The following CACNA1A variants were observed in gnomAD, a reference collection of about 807,000 sequenced individuals.
The protein encoded by CACNA1A is voltage-dependent P/Q-type calcium channel subunit alpha-1A.
A neutral mutation model predicts 262.4 loss-of-function variants in CACNA1A; 57 were observed. The ratio of observed to expected loss-of-function variants is 0.22; its 90% CI spans 0.18 to 0.27. The LOEUF (loss-of-function observed/expected upper bound fraction) is 0.27. Among genes scored for constraint, CACNA1A ranks in the 10% least tolerant of loss-of-function variants. The pLI, the probability that CACNA1A is intolerant of heterozygous loss-of-function variation, is 1.00. For missense variants in CACNA1A, 2,526 were observed against 3,562.8 expected (o/e 0.71, Z 7.41); for synonymous variants, 1,431 against 1,419.3 (o/e 1.01, Z -0.18).
At chr19:13,254,868 G>C (rs997627411) in intron 29 of CACNA1A, among the ~76,000 whole-genome samples, 1 of 152,120 alleles carries the variant, frequency 6.6e-6, no homozygotes, top group Non-Finnish European at 1.5e-5. Flanking sequence ...GGTGGTCAGG[G>C]AAGGCTTTCT....
At chr19:13,442,207 G>A (rs777539736) in intron 3 of CACNA1A, among the ~76,000 whole-genome samples, 1 of 152,194 alleles carries the variant, frequency 6.6e-6, no homozygotes, top group Non-Finnish European at 1.5e-5. Context: ...GAGGAATGAG[G>A]AAGAGAGAGA....
At chr19:13,227,770 C>T (rs890921818) in intron 36 of CACNA1A, 3 of 266,546 alleles carry the variant, frequency 1.1e-5, no homozygotes, top group African/African-American at 2.2e-5. Flanking sequence ...CTTCACTGCT[C>T]GGGAGCAGGG....
At chr19:13,465,118 A>G (rs921400064) in intron 1 of CACNA1A, among the ~76,000 whole-genome samples, 8 of 151,630 alleles carry the variant, frequency 5.3e-5, no homozygotes, top group African/African-American at 1.9e-4. Context: ...TTTAGTAGAG[A>G]CATGGTTTCA....
At chr19:13,376,886 ATATGT>A (rs2059427949) in intron 3 of CACNA1A, among the ~76,000 whole-genome samples, 2 of 136,218 alleles carry the variant, frequency 1.5e-5, no homozygotes, top group South Asian at 4.4e-4. Flanking sequence ...AACACATGAT[ATATGT>A]TATATGTGAT....
intron 5 of CACNA1A, chr19:13,363,072 T>C (rs1184430824): frequency 1.3e-5 from 2 of 152,202 alleles, no homozygotes; most frequent in African/African-American, 4.8e-5. Context: ...CTTATATTTT[T>C]AATCGTGAGC....
At chr19:13,451,016 T>C (rs2060905472) in intron 3 of CACNA1A, 2 of 152,016 alleles carry the variant, frequency 1.3e-5, no homozygotes, top group Admixed American at 6.6e-5. Flanking sequence ...TCTAGATGAG[T>C]TTCCTAGTAG....
At chr19:13,366,534 C>T (rs917101893) in intron 4 of CACNA1A, among the ~76,000 whole-genome samples, 1 of 152,094 alleles carries the variant, frequency 6.6e-6, no homozygotes, top group Non-Finnish European at 1.5e-5. Context: ...TGACCTCAAG[C>T]GATCTTCCAG....
intron 1 of CACNA1A, among the ~76,000 whole-genome samples, chr19:13,488,584 G>C (rs144146790): frequency 1.3e-5 from 2 of 151,360 alleles, no homozygotes; most frequent in African/African-American, 4.9e-5. Context: ...ATTTTTAGTA[G>C]AGATGGAGTT....
intron 10 of CACNA1A, among the ~76,000 whole-genome samples, chr19:13,326,918 G>A (rs1468390569): frequency 1.3e-5 from 2 of 148,940 alleles, no homozygotes; most frequent in Non-Finnish European, 3.0e-5. Flanking sequence ...TTTTTTTTGA[G>A]ATGAAGTCTC....
At position 13,322,201 on chromosome 19, in the gene CACNA1A, A is replaced by AG. The variant is rs1272056246; in HGVS notation, c.1346-4881dup. Among the ~76,000 whole-genome samples, 251 of 114,758 alleles carry AG rather than the reference A, an allele frequency of 2.2e-3. 1 individual carries two copies. Among genetic ancestry groups the AG allele is most frequent in the African/African-American group, 9.5e-3 (241 of 25,298 alleles). The allele number at this position is 114,758 out of a possible 152,430, so 75.3% of individuals were successfully genotyped here. ...TGGGTGATGGAGTGAGACTTGTCTC[A>AG]GAAAAAAAAAAAAAAAAAAGAAATC... On this transcript the variant is annotated intron_variant, in intron 10 of 46. Coordinates refer to ENST00000360228, the MANE Select transcript of CACNA1A (RefSeq NM_001127222.2).
intron 1 of CACNA1A, among the ~76,000 whole-genome samples, chr19:13,473,005 C>A (rs779818363): frequency 3.6e-4 from 55 of 152,252 alleles, no homozygotes; most frequent in Admixed American, 2.6e-4. Context: ...GTAATCCCAG[C>A]ACTTCGGGAG....
rs141282324 is a variant in CACNA1A, at chr19:13,429,772, T to C, written c.539+23104A>G. The stretch of plus-strand genomic sequence containing the variant: ...AGTGTGGTCCATCCACACAATGGAA[T>C]ACGATTCGGCCTGGAAAAGAAGGAA... On this transcript the variant is annotated intron_variant, in intron 3 of 46. Coordinates refer to ENST00000360228, the MANE Select transcript of CACNA1A (RefSeq NM_001127222.2). Among the ~76,000 whole-genome samples the C allele has an allele frequency of 3.2e-4, 49 of 151,822 alleles. No individual in the cohort carries two copies. The East Asian group carries it at 8.9e-3, about 28-fold the overall frequency.
chr19:13,319,281 ATTCT>A (rs1173983277), intron 10 of CACNA1A, among the ~76,000 whole-genome samples: 1 of 152,130 alleles, frequency 6.6e-6, no homozygotes, highest in South Asian at 2.1e-4. Flanking sequence ...ACATTCATTC[ATTCT>A]TTCATCCATC....
chr19:13,402,759 CAT>C (rs896555261), intron 3 of CACNA1A, among the ~76,000 whole-genome samples: 33 of 129,280 alleles, frequency 2.6e-4, no homozygotes, highest in Middle Eastern at 7.6e-3. Flanking sequence ...TATATACACA[CAT>C]ATATATACAT....
chr19:13,418,530 G>C (rs1370408124), intron 3 of CACNA1A, among the ~76,000 whole-genome samples: 6 of 152,080 alleles, frequency 3.9e-5, no homozygotes, highest in Admixed American at 6.6e-5. Flanking sequence ...TTTCTGAGTG[G>C]GGCCTAAATG....
chr19:13,429,902 G>A (rs2060474248), intron 3 of CACNA1A, among the ~76,000 whole-genome samples: 1 of 150,194 alleles, frequency 6.7e-6, no homozygotes, highest in Non-Finnish European at 1.5e-5. Context: ...TCACAGGGGG[G>A]ACCCAAAGTA....
intron 34 of CACNA1A, among the ~76,000 whole-genome samples, chr19:13,233,478 A>C (rs1160575102): frequency 6.6e-6 from 1 of 152,062 alleles, no homozygotes; most frequent in East Asian, 1.9e-4. Context: ...CTTTTTTTAA[A>C]AATTAAAAAA....
chr19:13,259,665 C>T lies in CACNA1A; in HGVS notation c.4287G>A (p.Lys1429=). 1 of 1,611,396 alleles carries T rather than the reference C, an allele frequency of 6.2e-7. No individual in the cohort carries two copies. The highest frequency in any genetic ancestry group is 8.5e-7 in the Non-Finnish European group (1 of 1,178,820). The part of the protein sequence containing the change: ...KYLLYEKNEV[K]ARDREWKKYE... The stretch of plus-strand genomic sequence containing the variant: ...ACTTCTTCCACTCCCGGTCTCGCGC[C>T]TTCACCTCATTCTTCTCGTAGAGGA... Residue 1429 remains lysine (K), a synonymous_variant, in exon 27 of 47, where the codon AAG becomes AAA. Transcript: ENST00000360228.
chr19:13,321,213 T>A lies in CACNA1A; in HGVS notation c.1346-3892A>T, dbSNP rs1322917372. ...CACGTCCGAATAATTTTTGTATTTT[T>A]AGTAAAGATGGTGTTTTGCCATGTT... On this transcript the variant is annotated intron_variant, in intron 10 of 46. Transcript: ENST00000360228. Among the ~76,000 whole-genome samples the A allele has an allele frequency of 2.6e-5, 4 of 152,086 alleles. No individual in the cohort carries two copies. In the East Asian group the frequency reaches 7.7e-4, roughly 29 times the overall value.
Sources: allele counts gnomAD v4.1 joint callset (sites outside exome capture counted in the v4.1 genomes callset), GRCh38; gene constraint gnomAD v4.1.1; transcripts MANE v1.5; gene names NCBI Gene and HGNC (gene_info 2026-07-23, HGNC 2026-07-21).